The following BNIP1 variants were observed in gnomAD, a reference collection of about 807,000 sequenced individuals.
BNIP1 encodes the protein BCL2 interacting protein 1, also known as vesicle transport protein SEC20.
BNIP1 carries 25 observed loss-of-function variants against 28.5 expected under a neutral mutation model. The observed-to-expected ratio is 0.88, with a 90% CI of 0.64 to 1.23. BNIP1 has a LOEUF of 1.23. Among genes scored for constraint, BNIP1 ranks in the 50% most tolerant of loss-of-function variants. The pLI, the probability that BNIP1 is intolerant of heterozygous loss-of-function variation, is 0.00. For missense variants in BNIP1, 276 were observed against 277.0 expected (o/e 1.00, Z 0.02); for synonymous variants, 118 against 101.7 (o/e 1.16, Z -0.96).
rs1447948457 is a variant in BNIP1, at chr5:173,159,942, C to G, written c.381C>G (p.Thr127=). ...GGDLLRQRKT[T]KESLAQTSST... The stretch of plus-strand genomic sequence containing the variant: ...TCCTCTGAACTTTTAGGAAAACCAC[C>G]AAAGAGAGCCTGGCCCAGACATCCA... The change falls in exon 5 of 6, where the codon ACC becomes ACG. Residue 127 remains threonine, a synonymous_variant. Transcript: ENST00000351486. The G allele has an allele frequency of 6.2e-7, 1 of 1,613,898 alleles. No individual in the cohort carries two copies. Among genetic ancestry groups the G allele is most frequent in the Non-Finnish European group, 8.5e-7 (1 of 1,179,908 alleles).
chr5:173,158,896 G>T, intron 4 of BNIP1, 51 bp downstream of exon 4: 4 of 1,452,518 alleles, frequency 2.8e-6, no homozygotes, highest in Non-Finnish European at 2.8e-6. Context: ...ATAACAATTG[G>T]CAAGGTGTAG....
chr5:173,145,303 G>C (rs1016032637), intron 1 of BNIP1, among the ~76,000 whole-genome samples: 2 of 152,242 alleles, frequency 1.3e-5, no homozygotes, highest in African/African-American at 4.8e-5. Flanking sequence ...TAAGGGTAGA[G>C]GTAAAATAAA....
rs959443880 is a variant in BNIP1 at position 173,151,681 on chromosome 5, C to T, written c.178-2641C>T. The T allele has an allele frequency of 6.2e-7, 1 of 1,613,774 alleles. No individual in the cohort carries two copies. ...CATGACTTCAACTCTCCAACTACAC[C>T]TGTTACCTTCAGTGTGAGTATTTGT... On this transcript the variant is annotated intron_variant, in intron 2 of 5. Transcript: ENST00000351486.
chr5:173,159,004 A>G (rs180919925), intron 4 of BNIP1, among the ~76,000 whole-genome samples, 159 bp downstream of exon 4: 112 of 152,294 alleles, frequency 7.4e-4, no homozygotes, highest in African/African-American at 2.4e-3. Flanking sequence ...GTAAATTGGT[A>G]AAATAAAGTA....
chr5:173,162,050 AT>A (rs35241300), intron 5 of BNIP1, among the ~76,000 whole-genome samples: 63 of 152,276 alleles, frequency 4.1e-4, no homozygotes, highest in Non-Finnish European at 8.4e-4. Flanking sequence ...CTATTTACTT[AT>A]TAGCTTTTAA....
chr5:173,154,463 C>T (rs750608543), intron 3 of BNIP1, 50 bp downstream of exon 3: 18 of 1,454,764 alleles, frequency 1.2e-5, no homozygotes, highest in Non-Finnish European at 1.6e-5. Context: ...CTTCTTGTTG[C>T]CTGTGAGCCT....
At chr5:173,151,705 G>C (rs142647024) in intron 2 of BNIP1, 3 of 1,612,164 alleles carry the variant, frequency 1.9e-6, no homozygotes, top group African/African-American at 1.3e-5. Flanking sequence ...GTGAGTATTT[G>C]TATGTTCTTT....
At chr5:173,145,764 CAG>C (rs1350590359) in intron 1 of BNIP1, among the ~76,000 whole-genome samples, 1 of 152,204 alleles carries the variant, frequency 6.6e-6, no homozygotes, top group Admixed American at 6.5e-5. Flanking sequence ...GATGTAGACT[CAG>C]AGTTTGTAAC....
At chr5:173,159,039 A>T (rs938163557) in intron 4 of BNIP1, among the ~76,000 whole-genome samples, 194 bp downstream of exon 4, 11 of 147,076 alleles carry the variant, frequency 7.5e-5, no homozygotes, top group Non-Finnish European at 1.5e-4. Context: ...AAAATATTGA[A>T]TTTTTTTTTT....
intron 3 of BNIP1, among the ~76,000 whole-genome samples, chr5:173,158,416 G>A (rs1399960294): frequency 6.6e-6 from 1 of 152,258 alleles, no homozygotes; most frequent in East Asian, 1.9e-4. Context: ...CAGCTGGGAA[G>A]TTTGGATGCC....
At chr5:173,154,524 C>CTT in intron 3 of BNIP1, 111 bp downstream of exon 3, 77 of 596,492 alleles carry the variant, frequency 1.3e-4, no homozygotes, top group Middle Eastern at 4.9e-4. Context: ...TTAATGGTGT[C>CTT]TTTTTTTTTT....
chr5:173,164,054 C>A lies in BNIP1; in HGVS notation c.*133C>A. The A allele has an allele frequency of 3.4e-6, 3 of 870,316 alleles. No individual in the cohort carries two copies. The highest frequency in any genetic ancestry group is 5.1e-6 in the Non-Finnish European group (3 of 591,856). The allele number at this position is 870,316 out of a possible 1,614,324, so 53.9% of individuals were successfully genotyped here. A position where few individuals can be genotyped will look rare whatever the true frequency, so the allele number is the denominator to read the frequency against. On this transcript the variant is annotated 3_prime_UTR_variant, in exon 6 of 6. Transcript: ENST00000351486. The surrounding 1 kb of genome is among the most constrained non-coding windows in gnomAD (Gnocchi z 4.0). ...AGTTGCCTGCAGGTTGGATGGAACA[C>A]AGTGCCCCACTTTTCTGCAAGTAGC...
At chr5:173,149,279 C>T (rs1375739418) in intron 2 of BNIP1, among the ~76,000 whole-genome samples, 1 of 152,144 alleles carries the variant, frequency 6.6e-6, no homozygotes, top group African/African-American at 2.4e-5. Flanking sequence ...CTGGGGAGGC[C>T]TCACAATCAT....
intron 2 of BNIP1, among the ~76,000 whole-genome samples, chr5:173,148,014 G>T (rs1374846464): frequency 7.7e-6 from 1 of 129,140 alleles, no homozygotes; most frequent in Non-Finnish European, 1.6e-5. Flanking sequence ...AGTGAGCAGA[G>T]ATCGTGCCAC....
Position 173,159,922 on chromosome 5 carries a change from T to C in BNIP1, c.372-11T>C. On this transcript the variant is annotated splice_polypyrimidine_tract_variant and intron_variant, in intron 4 of 5. Coordinates refer to ENST00000351486, the MANE Select transcript of BNIP1 (RefSeq NM_001205.3). ...GACATTCCTCCCCTTTCTCTTCCTC[T>C]GAACTTTTAGGAAAACCACCAAAGA... The C allele has an allele frequency of 1.2e-6, 2 of 1,612,872 alleles. No individual in the cohort carries two copies. Among genetic ancestry groups the C allele is most frequent in the African/African-American group, 2.7e-5 (2 of 75,038 alleles).
chr5:173,154,884 G>A (rs903311166), intron 3 of BNIP1, among the ~76,000 whole-genome samples: 11 of 152,170 alleles, frequency 7.2e-5, no homozygotes, highest in Admixed American at 3.9e-4. Context: ...AAGTGGGGGC[G>A]AGTGGGGAAG....
At chr5:173,154,239 G>A in intron 2 of BNIP1, 83 bp from the exon 3 acceptor site, 1 of 1,272,054 alleles carries the variant, frequency 7.9e-7, no homozygotes, top group Non-Finnish European at 1.1e-6. Flanking sequence ...GCTATTGTAT[G>A]CCCTTGGCAG....
intron 5 of BNIP1, chr5:173,160,854 C>T: frequency 2.2e-6 from 1 of 456,276 alleles, no homozygotes; most frequent in Non-Finnish European, 4.4e-6. Flanking sequence ...TCAGAGGCTA[C>T]AGGAGAGACT....
At chr5:173,148,077 AAAAAAAATATATATATATATAT>A (rs1759896467) in intron 2 of BNIP1, among the ~76,000 whole-genome samples, 1 of 47,828 alleles carries the variant, frequency 2.1e-5, no homozygotes, top group Admixed American at 2.9e-4. Context: ...AAAAAAAAAA[AAAAAAAATATATATATATATAT>A]ATATATATAT....
Sources: allele counts gnomAD v4.1 joint callset (sites outside exome capture counted in the v4.1 genomes callset), GRCh38; gene constraint gnomAD v4.1.1; non-coding constraint Gnocchi (gnomAD v3.1); transcripts MANE v1.5; gene names NCBI Gene and HGNC (gene_info 2026-07-23, HGNC 2026-07-21).